LIMCH1: variants seen among roughly 807,000 people sequenced by gnomAD.
The protein encoded by LIMCH1 is LIM and calponin homology domains-containing protein 1.
Under a neutral mutation model 176.5 loss-of-function variants are expected in LIMCH1, and 113 were observed. The ratio of observed to expected loss-of-function variants is 0.64; its 90% CI spans 0.55 to 0.75. LIMCH1 has a LOEUF of 0.75. Ranked by LOEUF, LIMCH1 falls within the 30% of genes least tolerant of loss-of-function variation. The probability of loss-of-function intolerance (pLI) is 0.00; values close to 1 mark genes in which losing one functional copy is unlikely to be tolerated. For synonymous variants in LIMCH1, 619 were observed against 645.9 expected (o/e 0.96, Z 0.63); for missense variants, 1,674 against 1,814.9 (o/e 0.92, Z 1.41).
chr4:41,524,251 T>C (rs1025712370), intron 2 of LIMCH1, among the ~76,000 whole-genome samples: 1 of 152,230 alleles, frequency 6.6e-6, no homozygotes, highest in East Asian at 1.9e-4. Context: ...AGCTCTTCAC[T>C]TATATGCATG....
rs114512443 is a variant in LIMCH1, at chr4:41,634,762, A to C, written c.2090+954A>C. On this transcript the variant is annotated intron_variant, in intron 13 of 31. Coordinates refer to ENST00000503057, the MANE Select transcript of LIMCH1 (RefSeq NM_001330672.2). ...TGGGAATTCACAGGTAGGTTGAAGG[A>C]ATCTATGTTAGCTCCATTTCACAAA... Among the ~76,000 whole-genome samples, 344 of 152,284 alleles carry C rather than the reference A, an allele frequency of 2.3e-3. 2 individuals are homozygous for C. Among genetic ancestry groups the C allele is most frequent in the African/African-American group, 7.9e-3 (329 of 41,570 alleles).
At chr4:41,466,019 C>T (rs2066062481) in intron 1 of LIMCH1, among the ~76,000 whole-genome samples, 1 of 145,048 alleles carries the variant, frequency 6.9e-6, no homozygotes, top group South Asian at 2.2e-4. Context: ...AGTGCAGTGG[C>T]ACGATCTGGG....
At chr4:41,561,877 C>T (rs1168451943) in intron 1 of LIMCH1, among the ~76,000 whole-genome samples, 1 of 152,134 alleles carries the variant, frequency 6.6e-6, no homozygotes, top group African/African-American at 2.4e-5. Flanking sequence ...CTTCAGTAAA[C>T]ATTTGCTTGA....
intron 31 of LIMCH1, 147 bp downstream of exon 31, chr4:41,692,531 A>C (rs1354207491): frequency 1.7e-6 from 1 of 585,754 alleles, no homozygotes; most frequent in East Asian, 2.9e-5. Flanking sequence ...TAAAAAAGAA[A>C]AGATATTTAC....
intron 1 of LIMCH1, among the ~76,000 whole-genome samples, chr4:41,429,312 T>A (rs527782497): frequency 6.6e-6 from 1 of 152,344 alleles, no homozygotes; most frequent in East Asian, 1.9e-4. Context: ...TCTAGTGCTC[T>A]GACCCATGGG....
At chr4:41,360,592 A>G (rs954670863), upstream of LIMCH1, 24 of 247,262 alleles carry the variant, frequency 9.7e-5, no homozygotes, top group Non-Finnish European at 1.4e-4. The surrounding 1 kb of genome is among the most constrained non-coding windows in gnomAD (Gnocchi z 4.5). Context: ...GAGGAGAAGA[A>G]GCTCCCGGCG....
chr4:41,555,534 G>A (rs1045349681), intron 1 of LIMCH1, among the ~76,000 whole-genome samples: 1 of 152,120 alleles, frequency 6.6e-6, no homozygotes, highest in African/African-American at 2.4e-5. Context: ...ACAAATCTAA[G>A]TGAAGTTCTT....
At chr4:41,441,776 TTAATA>T (rs2062726099) in intron 1 of LIMCH1, among the ~76,000 whole-genome samples, 1 of 152,214 alleles carries the variant, frequency 6.6e-6, no homozygotes, top group South Asian at 2.1e-4. Context: ...TTTTAAGAAG[TTAATA>T]TGAAATATCT....
chr4:41,538,390 G>T lies in LIMCH1; in HGVS notation c.-241+40G>T, dbSNP rs887262888. On this transcript the variant is annotated intron_variant, in intron 1 of 31. Transcript: ENST00000503057. ...TTATAAAAGAAATACATGCTTAGGGGTATCCATGATGGAAAGAAGGAAGCT... is the reference window on the plus strand; with the variant it reads ...TTATAAAAGAAATACATGCTTAGGGTTATCCATGATGGAAAGAAGGAAGCT... The T allele has an allele frequency of 2.4e-5, 23 of 967,178 alleles. No homozygotes were observed. In the Admixed American group the frequency reaches 1.3e-3, roughly 54 times the overall value. The allele number at this position is 967,178 out of a possible 1,614,324, so 59.9% of individuals were successfully genotyped here.
chr4:41,460,796 G>A (rs891573679), intron 1 of LIMCH1, among the ~76,000 whole-genome samples: 10 of 152,176 alleles, frequency 6.6e-5, no homozygotes, highest in African/African-American at 1.9e-4. Context: ...ATTTCAGTGG[G>A]TGTAGTTGAC....
At chr4:41,438,349 T>C (rs1449624665) in intron 1 of LIMCH1, among the ~76,000 whole-genome samples, 1 of 152,096 alleles carries the variant, frequency 6.6e-6, no homozygotes, top group Non-Finnish European at 1.5e-5. Context: ...TTACAGTGCT[T>C]GTGCCTTTTA....
At chr4:41,671,441 A>T in intron 21 of LIMCH1, 113 bp from the exon 22 acceptor site, 1 of 553,974 alleles carries the variant, frequency 1.8e-6, no homozygotes, top group Non-Finnish European at 3.2e-6. Flanking sequence ...CACACACACA[A>T]AATTGGTTTA....
intron 23 of LIMCH1, among the ~76,000 whole-genome samples, chr4:41,677,826 C>T (rs1378042124): frequency 1.3e-5 from 2 of 151,648 alleles, no homozygotes; most frequent in Non-Finnish European, 2.9e-5. Flanking sequence ...CCCACTAGTA[C>T]TGATTTTACA....
At chr4:41,366,966 G>A (rs2053105157) in intron 1 of LIMCH1, among the ~76,000 whole-genome samples, 1 of 152,206 alleles carries the variant, frequency 6.6e-6, no homozygotes, top group African/African-American at 2.4e-5. Context: ...AATTATGATG[G>A]AAGGCAAAGG....
intron 1 of LIMCH1, among the ~76,000 whole-genome samples, chr4:41,369,674 A>T (rs181618700): frequency 8.6e-5 from 13 of 151,554 alleles, no homozygotes; most frequent in Middle Eastern, 3.4e-3. Flanking sequence ...ACTATCACGA[A>T]TTTTTTTTGT....
intron 4 of LIMCH1, chr4:41,612,940 G>A (rs527276379): frequency 4.6e-6 from 7 of 1,511,362 alleles, no homozygotes; most frequent in East Asian, 5.0e-5. Flanking sequence ...GGAGATGAAC[G>A]CGTGCTGCTC....
chr4:41,524,213 C>T (rs565499501), intron 2 of LIMCH1, among the ~76,000 whole-genome samples: 1 of 152,348 alleles, frequency 6.6e-6, no homozygotes, highest in African/African-American at 2.4e-5. Flanking sequence ...AAAACTTCAC[C>T]TGCCGTGGAC....
At chr4:41,495,446 G>A (rs929051079) in intron 2 of LIMCH1, among the ~76,000 whole-genome samples, 4 of 152,086 alleles carry the variant, frequency 2.6e-5, no homozygotes, top group African/African-American at 9.7e-5. Context: ...TCAAGCCCCT[G>A]GAGACAAGCA....
At chr4:41,589,582 G>A (rs1437400950) in intron 1 of LIMCH1, among the ~76,000 whole-genome samples, 2 of 152,188 alleles carry the variant, frequency 1.3e-5, no homozygotes, top group Non-Finnish European at 1.5e-5. Flanking sequence ...CTGAAACAGT[G>A]CTCTGGTCTG....
Sources: gnomAD v4.1 joint callset for allele counts (sites outside exome capture counted in the v4.1 genomes callset) on GRCh38, gnomAD v4.1.1 for gene constraint, Gnocchi (gnomAD v3.1) non-coding constraint, MANE v1.5 for transcripts, NCBI Gene and HGNC (gene_info 2026-07-23, HGNC 2026-07-21) for gene names.